Variants in PCDHB3 observed in about 807,000 individuals in gnomAD.
PCDHB3 encodes the protein protocadherin beta 3.
For synonymous variants in PCDHB3, 479 were observed against 456.0 expected (o/e 1.05, Z -0.64); for missense variants, 967 against 1,012.1 (o/e 0.96, Z 0.60).
At position 141,101,976 on chromosome 5, in the gene PCDHB3, G is replaced by A. The variant is rs1262143381; in HGVS notation, c.1327G>A (p.Asp443Asn). The change falls in exon 1 of 1, where the codon GAC becomes AAC. Residue 443 changes from aspartate (D) to asparagine (N), a missense_variant. Asp to Asn is a conservative substitution (Grantham distance 23). Coordinates refer to ENST00000231130, the MANE Select transcript of PCDHB3 (RefSeq NM_018937.5). ...GTACAACATAACCGTGCTGGTCTCC[G>A]ACGTCAATGACAACGCCCCCGCCTT... ...TKYNITVLVSDVNDNAPAFTQ... is the reference protein window; with the variant it reads ...TKYNITVLVSNVNDNAPAFTQ... The A allele has an allele frequency of 1.2e-6, 2 of 1,613,402 alleles. No individual in the cohort carries two copies. Among genetic ancestry groups the A allele is most frequent in the Non-Finnish European group, 1.7e-6 (2 of 1,180,026 alleles).
At position 141,100,661 on chromosome 5, in the gene PCDHB3, AG is replaced by A. The variant is rs782443236; in HGVS notation, c.14del (p.Gly5GlufsTer40). 2 of 1,598,708 alleles carry A rather than the reference AG, an allele frequency of 1.3e-6. No individual in the cohort carries two copies. The highest frequency in any genetic ancestry group is 1.7e-6 in the Non-Finnish European group (2 of 1,171,662). On this transcript the variant is annotated frameshift_variant, in exon 1 of 1. Coordinates refer to ENST00000231130, the MANE Select transcript of PCDHB3 (RefSeq NM_018937.5). LOFTEE classifies it low-confidence loss of function (END_TRUNC). ...TGACGGAAAGTGCAATGGAGGCGGG[AG>A]GAGAGCGATTTCTTAGACAAAGGCA... is the stretch of plus-strand genomic sequence containing the variant. MEAGGERFLRQRQVL... is the reference protein window; with the variant it reads MEAGXERFLRQRQVL...
In PCDHB3 at chr5:141,102,555, G is replaced by A. The variant is rs782686060; in HGVS notation, c.1906G>A (p.Ala636Thr). The change falls in exon 1 of 1, where the codon GCC (alanine) becomes ACC (threonine). Residue 636 changes from alanine to threonine, a missense_variant. Coordinates refer to ENST00000231130, the MANE Select transcript of PCDHB3 (RefSeq NM_018937.5). ...TARLLSERDAAKHRLVVLVKD... is the reference protein window; with the variant it reads ...TARLLSERDATKHRLVVLVKD... ...CAGGCTGCTGAGCGAGCGCGACGCG[G>A]CCAAGCACAGGCTGGTGGTGCTGGT... The A allele has an allele frequency of 7.5e-6, 12 of 1,608,662 alleles. No homozygotes were observed. In the African/African-American group the frequency reaches 1.2e-4, roughly 16 times the overall value.
chr5:141,101,290 C>T lies in PCDHB3; in HGVS notation c.641C>T (p.Ala214Val). 6.2e-7 allele frequency: 1 copy of T among 1,614,184 alleles called. No homozygotes were observed. Among genetic ancestry groups the T allele is most frequent in the Non-Finnish European group, 8.5e-7 (1 of 1,180,028 alleles). The change falls in exon 1 of 1, where the codon GCG becomes GTG. Residue 214 changes from alanine to valine, a missense_variant. Physicochemically the swap from Ala to Val is moderately conservative, Grantham distance 64 (BLOSUM62 0). Transcript: ENST00000231130. ...CCGGAACTCAGCTTAACGCTCACCG[C>T]GCTGGACGGCGGCTCTCCCCCTCGG... is the stretch of plus-strand genomic sequence containing the variant. Reference protein sequence around the residue: ...EQPELSLTLTALDGGSPPRSG... With the variant: ...EQPELSLTLTVLDGGSPPRSG...
Position 141,101,946 on chromosome 5 carries a change from A to C in PCDHB3, c.1297A>C (p.Thr433Pro), listed in dbSNP as rs1554272417. ...ITDLGTPRLK[T>P]KYNITVLVSD... ...TGACCTGGGGACACCCAGGCTGAAA[A>C]CCAAGTACAACATAACCGTGCTGGT... Residue 433 changes from threonine (T) to proline (P), a missense_variant, in exon 1 of 1, where the codon ACC becomes CCC. Transcript: ENST00000231130. The C allele has an allele frequency of 6.2e-7, 1 of 1,613,940 alleles. No homozygotes were observed.
rs1352276520 is a variant in PCDHB3 at position 141,101,702 on chromosome 5, A to C, written c.1053A>C (p.Ser351=). ...NDNPPELTLS[S]VNSPIPENSG... is the part of the protein sequence containing the mutation. ...ACCCACCGGAACTGACCTTGTCTTC[A>C]GTAAACAGCCCTATTCCTGAGAACT... The change falls in exon 1 of 1, where the codon TCA becomes TCC. Residue 351 remains serine, a synonymous_variant. Transcript: ENST00000231130. 1.2e-6 allele frequency: 2 copies of C among 1,613,910 alleles called. No individual in the cohort carries two copies. Among genetic ancestry groups the C allele is most frequent in the East Asian group, 4.5e-5 (2 of 44,880 alleles).
rs144773246 is a variant in PCDHB3, at chr5:141,102,563, C to G, written c.1914C>G (p.His638Gln). ...TGAGCGAGCGCGACGCGGCCAAGCA[C>G]AGGCTGGTGGTGCTGGTCAAGGACA... Reference protein sequence around the residue: ...RLLSERDAAKHRLVVLVKDNG... With the variant: ...RLLSERDAAKQRLVVLVKDNG... Residue 638 changes from histidine (H) to glutamine (Q), a missense_variant, in exon 1 of 1, where the codon CAC becomes CAG. Coordinates refer to ENST00000231130, the MANE Select transcript of PCDHB3 (RefSeq NM_018937.5). 4.3e-4 allele frequency: 692 copies of G among 1,608,820 alleles called. 4 individuals carry two copies. The highest frequency in any genetic ancestry group is 3.2e-3 in the African/African-American group (241 of 74,964).
In PCDHB3 at chr5:141,102,632, C is replaced by T. The variant is rs1563838595; in HGVS notation, c.1983C>T (p.Leu661=). ...CGGCCACCGCCACGCTGCATGTGCT[C>T]CTGGTGGACGGCTTCTCCCAGCCCT... is the stretch of plus-strand genomic sequence containing the variant. ...PRSATATLHV[L]LVDGFSQPYL... The change falls in exon 1 of 1, where the codon CTC becomes CTT. Residue 661 remains leucine, a synonymous_variant. Transcript: ENST00000231130. The T allele has an allele frequency of 6.2e-7, 1 of 1,610,054 alleles. No homozygotes were observed. Among genetic ancestry groups the T allele is most frequent in the Non-Finnish European group, 8.5e-7 (1 of 1,179,742 alleles).
chr5:141,101,240 T>G lies in PCDHB3; in HGVS notation c.591T>G (p.Asp197Glu). The change falls in exon 1 of 1, where the codon GAT (aspartate) becomes GAG (glutamate). Residue 197 changes from aspartate to glutamate, a missense_variant. Coordinates refer to ENST00000231130, the MANE Select transcript of PCDHB3 (RefSeq NM_018937.5). ...DGRKYPELVL[D>E]KALDPEEQPE... is the part of the protein sequence containing the mutation. The stretch of plus-strand genomic sequence containing the variant: ...GGAAGTACCCGGAACTAGTACTGGA[T>G]AAAGCGCTCGATCCGGAGGAGCAGC... 1 of 1,614,154 alleles carries G rather than the reference T, an allele frequency of 6.2e-7. No homozygotes were observed. The highest frequency in any genetic ancestry group is 2.2e-5 in the East Asian group (1 of 44,876).
rs1156352412 is a variant in PCDHB3, at chr5:141,103,041, G to C, written c.*1G>C. On this transcript the variant is annotated 3_prime_UTR_variant, in exon 1 of 1. Coordinates refer to ENST00000231130, the MANE Select transcript of PCDHB3 (RefSeq NM_018937.5). ...CAGGAAGAGCTTTGAATTCAGTTAA[G>C]TGTTAATAAGGATCTACTGAGCCTC... is the stretch of plus-strand genomic sequence containing the variant. The C allele has an allele frequency of 1.2e-6, 2 of 1,604,594 alleles. No homozygotes were observed. Among genetic ancestry groups the C allele is most frequent in the Non-Finnish European group, 1.7e-6 (2 of 1,174,800 alleles).
In PCDHB3 at chr5:141,101,646, G is replaced by A; in HGVS notation, c.997G>A (p.Val333Ile). ...DGGGLSGKSTVIVQVVDVNDN... is the reference protein window; with the variant it reads ...DGGGLSGKSTIIVQVVDVNDN... ...CGGAGGCCTATCCGGAAAGTCTACA[G>A]TCATAGTCCAGGTGGTTGATGTCAA... The change falls in exon 1 of 1, where the codon GTC becomes ATC. Residue 333 changes from valine to isoleucine, a missense_variant. By Grantham distance (29) the Val-to-Ile change is conservative (BLOSUM62 3). Transcript: ENST00000231130. 6.2e-7 allele frequency: 1 copy of A among 1,614,072 alleles called. No homozygotes were observed. Among genetic ancestry groups the A allele is most frequent in the Non-Finnish European group, 8.5e-7 (1 of 1,180,034 alleles).
Position 141,100,892 on chromosome 5 carries a change from A to G in PCDHB3, c.243A>G (p.Thr81=). The stretch of plus-strand genomic sequence containing the variant: ...AGCATTTTCAGCTCAGTCATCAGAC[A>G]GGTGATTTGCTCCTGAATGAGAAAT... ...NKQHFQLSHQ[T]GDLLLNEKLD... is the part of the protein sequence containing the mutation. The change falls in exon 1 of 1, where the codon ACA becomes ACG. Residue 81 remains threonine, a synonymous_variant. Coordinates refer to ENST00000231130, the MANE Select transcript of PCDHB3 (RefSeq NM_018937.5). The G allele has an allele frequency of 2.5e-6, 4 of 1,614,172 alleles. No individual in the cohort carries two copies. Among genetic ancestry groups the G allele is most frequent in the Non-Finnish European group, 3.4e-6 (4 of 1,180,034 alleles).
Position 141,103,053 on chromosome 5 carries a change from A to T in PCDHB3, c.*13A>T, listed in dbSNP as rs1554272735. 3.8e-6 allele frequency: 6 copies of T among 1,595,374 alleles called. No homozygotes were observed. Among genetic ancestry groups the T allele is most frequent in the Non-Finnish European group, 5.1e-6 (6 of 1,170,040 alleles). ...TGAATTCAGTTAAGTGTTAATAAGGATCTACTGAGCCTCGTCTTAGTTAAT... is the reference window on the plus strand; with the variant it reads ...TGAATTCAGTTAAGTGTTAATAAGGTTCTACTGAGCCTCGTCTTAGTTAAT... On this transcript the variant is annotated 3_prime_UTR_variant, in exon 1 of 1. Coordinates refer to ENST00000231130, the MANE Select transcript of PCDHB3 (RefSeq NM_018937.5).
rs868970165 is a variant in PCDHB3, at chr5:141,101,785, G to A, written c.1136G>A (p.Gly379Glu). ...SVSDLDSGDN[G>E]RVMCSIENNL... ...TCTGATCTAGACTCTGGAGACAACG[G>A]AAGAGTGATGTGTTCCATTGAGAAC... The change falls in exon 1 of 1, where the codon GGA becomes GAA. Residue 379 changes from glycine (G) to glutamate (E), a missense_variant. Coordinates refer to ENST00000231130, the MANE Select transcript of PCDHB3 (RefSeq NM_018937.5). 1.9e-6 allele frequency: 3 copies of A among 1,614,086 alleles called. No individual in the cohort carries two copies. In the African/African-American group the frequency reaches 4.0e-5, roughly 22 times the overall value.
chr5:141,103,794 G>C lies in PCDHB3; in HGVS notation c.*754G>C, dbSNP rs1316252555. On this transcript the variant is annotated 3_prime_UTR_variant, in exon 1 of 1. Coordinates refer to ENST00000231130, the MANE Select transcript of PCDHB3 (RefSeq NM_018937.5). ...TATCTAAAGTGTGTTCATGATGACT[G>C]AGGAAAAAAATTAAACCTATGCCAT... 1 of 152,038 alleles carries C rather than the reference G, an allele frequency of 6.6e-6. No individual in the cohort carries two copies. The highest frequency in any genetic ancestry group is 6.6e-5 in the Admixed American group (1 of 15,264). 9.4% of individuals were successfully genotyped at this position (152,038 alleles called of 1,614,324 possible).
In PCDHB3 at chr5:141,102,270, T is replaced by C. The variant is rs778759691; in HGVS notation, c.1621T>C (p.Leu541=). Residue 541 remains leucine (L), a synonymous_variant, in exon 1 of 1, where the codon TTG becomes CTG. Coordinates refer to ENST00000231130, the MANE Select transcript of PCDHB3 (RefSeq NM_018937.5). ...CGCCACAGACCGTGGCTCCCCGGCT[T>C]TGAGCAGCGAGGCGCTGGTGCGCGT... ...VGATDRGSPA[L]SSEALVRVLV... 1 of 1,612,012 alleles carries C rather than the reference T, an allele frequency of 6.2e-7. No homozygotes were observed. The highest frequency in any genetic ancestry group is 2.2e-5 in the East Asian group (1 of 44,860).
chr5:141,102,108 A>T lies in PCDHB3; in HGVS notation c.1459A>T (p.Thr487Ser), dbSNP rs782427185. 27 of 1,612,670 alleles carry T rather than the reference A, an allele frequency of 1.7e-5. No individual in the cohort carries two copies. The highest frequency in any genetic ancestry group is 2.2e-5 in the Non-Finnish European group (26 of 1,180,008). ...DRDSGTNAQV[T>S]YSLLPPQDPH... Reference sequence around the variant, plus strand: ...AGACTCAGGCACCAACGCCCAGGTAACCTACTCGCTGCTGCCGCCCCAGGA... The same window carrying T: ...AGACTCAGGCACCAACGCCCAGGTATCCTACTCGCTGCTGCCGCCCCAGGA... Residue 487 changes from threonine to serine, a missense_variant, in exon 1 of 1, where the codon ACC (threonine) becomes TCC (serine). Physicochemically the swap from Thr to Ser is moderately conservative, Grantham distance 58. Transcript: ENST00000231130.
chr5:141,101,925 C>G lies in PCDHB3; in HGVS notation c.1276C>G (p.Leu426Val), dbSNP rs782775632. The change falls in exon 1 of 1, where the codon CTG (leucine) becomes GTG (valine). Residue 426 changes from leucine to valine, a missense_variant. Transcript: ENST00000231130. Reference protein sequence around the residue: ...EYNITITITDLGTPRLKTKYN... With the variant: ...EYNITITITDVGTPRLKTKYN... ...CAACATTACCATCACTATCACTGAC[C>G]TGGGGACACCCAGGCTGAAAACCAA... 1.2e-6 allele frequency: 2 copies of G among 1,614,018 alleles called. No homozygotes were observed. Among genetic ancestry groups the G allele is most frequent in the Non-Finnish European group, 8.5e-7 (1 of 1,180,046 alleles).
chr5:141,101,811 A>G lies in PCDHB3; in HGVS notation c.1162A>G (p.Asn388Asp). ...AAGAGTGATGTGTTCCATTGAGAAC[A>G]ATCTCCCCTTCTTCCTGAAACCATC... is the stretch of plus-strand genomic sequence containing the variant. ...NGRVMCSIEN[N>D]LPFFLKPSVE... Residue 388 changes from asparagine (N) to aspartate (D), a missense_variant, in exon 1 of 1, where the codon AAT (asparagine) becomes GAT (aspartate). Coordinates refer to ENST00000231130, the MANE Select transcript of PCDHB3 (RefSeq NM_018937.5). The G allele has an allele frequency of 6.2e-7, 1 of 1,614,056 alleles. No homozygotes were observed. Among genetic ancestry groups the G allele is most frequent in the Non-Finnish European group, 8.5e-7 (1 of 1,180,020 alleles).
chr5:141,100,820 G>T lies in PCDHB3; in HGVS notation c.171G>T (p.Glu57Asp), dbSNP rs1554272089. The T allele has an allele frequency of 6.2e-7, 1 of 1,614,192 alleles. No homozygotes were observed. The highest frequency in any genetic ancestry group is 1.7e-5 in the Admixed American group (1 of 60,026). The change falls in exon 1 of 1, where the codon GAG becomes GAT. Residue 57 changes from glutamate (E) to aspartate (D), a missense_variant. By Grantham distance (45) the Glu-to-Asp change is conservative (BLOSUM62 2). Transcript: ENST00000231130. ...CAAAGGATCTGGGACTAAGGGTAGA[G>T]GAACTGGCCGCGAGGGGGGCCCAAG... ...NLAKDLGLRV[E>D]ELAARGAQVV...
Sources: allele counts gnomAD v4.1 joint callset, GRCh38; gene constraint gnomAD v4.1.1; transcripts MANE v1.5; gene names NCBI Gene and HGNC (gene_info 2026-07-23, HGNC 2026-07-21).